KCNIP4: variants seen among roughly 807,000 people sequenced by gnomAD.
KCNIP4 encodes Kv channel-interacting protein 4.
A neutral mutation model predicts 34.0 loss-of-function variants in KCNIP4; 12 were observed. The ratio of observed to expected loss-of-function variants is 0.35; its 90% CI spans 0.23 to 0.57. The LOEUF (loss-of-function observed/expected upper bound fraction) is 0.57, where lower values mean the gene tolerates loss of function less well. Ranked by LOEUF, KCNIP4 falls within the 20% of genes least tolerant of loss-of-function variation. The probability of loss-of-function intolerance (pLI) is 0.83; values close to 1 mark genes in which losing one functional copy is unlikely to be tolerated. For synonymous variants in KCNIP4, 124 were observed against 102.2 expected, an observed-to-expected ratio of 1.21 and a Z score of -1.29; for missense variants, 238 against 311.7, an observed-to-expected ratio of 0.76 and a Z score of 1.78.
chr4:21,683,149 T>C (rs977953687), intron 1 of KCNIP4, among the ~76,000 whole-genome samples: 1 of 152,208 alleles, frequency 6.6e-6, no homozygotes, highest in Non-Finnish European at 1.5e-5. Context: ...TCCTTTATGG[T>C]GCAGCTATTG....
chr4:21,768,253 A>G (rs1473665011), intron 1 of KCNIP4, among the ~76,000 whole-genome samples: 2 of 152,160 alleles, frequency 1.3e-5, no homozygotes, highest in African/African-American at 4.8e-5. Context: ...CATCAATTCT[A>G]TATTGATAAC....
chr4:21,411,565 A>G (rs1433869885), intron 1 of KCNIP4, among the ~76,000 whole-genome samples: 3 of 152,234 alleles, frequency 2.0e-5, no homozygotes, highest in Non-Finnish European at 4.4e-5. Context: ...CTGTAATTCC[A>G]GCACTGTAAC....
intron 1 of KCNIP4, among the ~76,000 whole-genome samples, chr4:21,178,862 G>A (rs1374989811): frequency 6.7e-6 from 1 of 148,464 alleles, no homozygotes; most frequent in Non-Finnish European, 1.5e-5. Flanking sequence ...CATTGCTCAG[G>A]TTGCAGTGCA....
rs141651214 is a variant in KCNIP4 at position 20,914,145 on chromosome 4, G to A, written c.62-31436C>T. ...GCACTCCAGCTTGGGCAATAAGAGC[G>A]AAACTCTGTCTCAAAAAGAAAAAAA... On this transcript the variant is annotated intron_variant, in intron 1 of 8. Coordinates refer to ENST00000382152, the MANE Select transcript of KCNIP4 (RefSeq NM_025221.6). Among the ~76,000 whole-genome samples the A allele has an allele frequency of 4.7e-3, 703 of 150,730 alleles. 7 individuals are homozygous for A. Among genetic ancestry groups the A allele is most frequent in the African/African-American group, 0.015 (601 of 41,042 alleles).
At chr4:21,236,921 G>A (rs1759407186) in intron 1 of KCNIP4, among the ~76,000 whole-genome samples, 1 of 151,306 alleles carries the variant, frequency 6.6e-6, no homozygotes, top group African/African-American at 2.4e-5. Context: ...GCAGAGAATT[G>A]CTTGAACCTG....
intron 1 of KCNIP4, among the ~76,000 whole-genome samples, chr4:21,519,740 G>GATACACACGTGTGTGTATGTATGTGTGT (rs1735315977): frequency 4.4e-4 from 48 of 110,206 alleles, no homozygotes; most frequent in Non-Finnish European, 6.2e-4. Context: ...GTATATGTAT[G>GATACACACGTGTGTGTATGTATGTGTGT]ATACACACGT....
At chr4:21,756,831 T>C (rs1717562653) in intron 1 of KCNIP4, among the ~76,000 whole-genome samples, 2 of 151,942 alleles carry the variant, frequency 1.3e-5, no homozygotes, top group African/African-American at 4.8e-5. Flanking sequence ...GCGCAGTGGC[T>C]CACGCCTGTA....
At chr4:21,206,165 A>T (rs1248018884) in intron 1 of KCNIP4, among the ~76,000 whole-genome samples, 1 of 152,190 alleles carries the variant, frequency 6.6e-6, no homozygotes, top group Non-Finnish European at 1.5e-5. Flanking sequence ...GACAGGTACC[A>T]AATAGGTTCA....
intron 1 of KCNIP4, among the ~76,000 whole-genome samples, chr4:21,942,070 T>C (rs1560193312): frequency 6.6e-6 from 1 of 152,162 alleles, no homozygotes; most frequent in Non-Finnish European, 1.5e-5. Context: ...CTTGACACAC[T>C]TTTCACTTCC....
chr4:20,922,484 A>G (rs1729481508), intron 1 of KCNIP4, among the ~76,000 whole-genome samples: 1 of 151,836 alleles, frequency 6.6e-6, no homozygotes, highest in Non-Finnish European at 1.5e-5. Flanking sequence ...CAGATGGCAA[A>G]TGGTGGGACT....
chr4:21,025,628 A>C (rs1307800329), intron 1 of KCNIP4, among the ~76,000 whole-genome samples: 1 of 123,770 alleles, frequency 8.1e-6, no homozygotes, highest in Non-Finnish European at 1.6e-5. Context: ...ATTTCGCCTC[A>C]CTGCCAGCTC....
chr4:21,241,768 T>C (rs1007950682), intron 1 of KCNIP4, among the ~76,000 whole-genome samples: 2 of 152,206 alleles, frequency 1.3e-5, no homozygotes, highest in South Asian at 2.1e-4. Context: ...GTTCCAGGGC[T>C]TGAGTCCTAG....
chr4:21,175,138 TAA>T (rs5856609), intron 1 of KCNIP4, among the ~76,000 whole-genome samples: 15 of 149,876 alleles, frequency 1.0e-4, no homozygotes, highest in East Asian at 2.0e-4. Flanking sequence ...ATAATTTACT[TAA>T]AAAAAAAAAC....
intron 1 of KCNIP4, among the ~76,000 whole-genome samples, chr4:21,775,583 C>A (rs1193177572): frequency 6.6e-6 from 1 of 152,198 alleles, no homozygotes; most frequent in African/African-American, 2.4e-5. Context: ...GTCTGCTGGT[C>A]CACAGAGAAT....
At chr4:20,890,693 C>T (rs1042351638) in intron 1 of KCNIP4, among the ~76,000 whole-genome samples, 2 of 152,082 alleles carry the variant, frequency 1.3e-5, no homozygotes, top group Admixed American at 1.3e-4. Flanking sequence ...TATACTAGTA[C>T]TTCAAACACG....
chr4:21,777,097 T>A (rs565805453), intron 1 of KCNIP4, among the ~76,000 whole-genome samples: 1 of 152,246 alleles, frequency 6.6e-6, no homozygotes, highest in Non-Finnish European at 1.5e-5. Context: ...TTATAATGGG[T>A]TCTCCTGCCT....
At chr4:20,814,130 A>T (rs2149436685) in intron 3 of KCNIP4, among the ~76,000 whole-genome samples, 1 of 152,286 alleles carries the variant, frequency 6.6e-6, no homozygotes, top group Admixed American at 6.5e-5. Flanking sequence ...CCACAGCGTC[A>T]GTGTCTTCTA....
intron 1 of KCNIP4, among the ~76,000 whole-genome samples, chr4:21,508,731 C>CATAA (rs1734063529): frequency 6.6e-6 from 1 of 152,148 alleles, no homozygotes; most frequent in South Asian, 2.1e-4. Flanking sequence ...CTTGAACATG[C>CATAA]TGTCTGCTGC....
chr4:21,047,461 C>A (rs1742533242), intron 1 of KCNIP4, among the ~76,000 whole-genome samples: 2 of 152,208 alleles, frequency 1.3e-5, no homozygotes, highest in Non-Finnish European at 2.9e-5. Flanking sequence ...ATTGACACAT[C>A]CTACAATAAT....
Sources: allele counts gnomAD v4.1 joint callset (sites outside exome capture counted in the v4.1 genomes callset), GRCh38; gene constraint gnomAD v4.1.1; transcripts MANE v1.5; gene names NCBI Gene and HGNC (gene_info 2026-07-23, HGNC 2026-07-21).